Variants in GAS7 observed in about 807,000 individuals in gnomAD.
GAS7 encodes the protein growth arrest specific 7, also known as growth arrest-specific protein 7.
Under a neutral mutation model 71.1 loss-of-function variants are expected in GAS7, and 28 were observed. The observed-to-expected ratio is 0.39, with a 90% CI of 0.29 to 0.54. The LOEUF is 0.54. GAS7 is among the 20% of genes least tolerant of loss of function. GAS7 has a pLI of 0.62. For missense variants in GAS7, 436 were observed against 627.8 expected (o/e 0.69, Z 3.27); for synonymous variants, 258 against 245.8 (o/e 1.05, Z -0.46).
chr17:10,159,958 T>C (rs1246274206), intron 1 of GAS7, among the ~76,000 whole-genome samples: 1 of 151,142 alleles, frequency 6.6e-6, no homozygotes, highest in Non-Finnish European at 1.5e-5. Flanking sequence ...GCTAATTTTT[T>C]TGTAGAGACA....
rs572796636 is a variant in GAS7, at chr17:10,016,847, G to A, written c.304+2930C>T. On this transcript the variant is annotated intron_variant, in intron 2 of 13. Transcript: ENST00000432992. Reference sequence around the variant, plus strand: ...TGCCTGTAATCCCAGCTACTCAGGAGGCTGAGGTGGGAGGGTCACTTAAGC... The same window carrying A: ...TGCCTGTAATCCCAGCTACTCAGGAAGCTGAGGTGGGAGGGTCACTTAAGC... 9.7e-4 allele frequency among the ~76,000 whole-genome samples: 146 copies of A among 150,630 alleles called. 1 individual carries two copies. The highest frequency in any genetic ancestry group is 3.4e-3 in the African/African-American group (140 of 41,412).
chr17:10,036,552 C>G, intron 1 of GAS7: 1 of 1,575,434 alleles, frequency 6.3e-7, no homozygotes, highest in Non-Finnish European at 8.6e-7. Context: ...ATGGCAGCCT[C>G]TCCGGGAAAT....
intron 1 of GAS7, among the ~76,000 whole-genome samples, chr17:10,087,743 G>A (rs1038408029): frequency 6.6e-6 from 1 of 151,982 alleles, no homozygotes; most frequent in Non-Finnish European, 1.5e-5. Flanking sequence ...AGGAAGCAGT[G>A]CTGAATTCCA....
At chr17:9,990,881 A>T (rs1014518757) in intron 2 of GAS7, among the ~76,000 whole-genome samples, 1 of 152,196 alleles carries the variant, frequency 6.6e-6, no homozygotes, top group Non-Finnish European at 1.5e-5. Flanking sequence ...TCCGTTATTA[A>T]GAGCTCTGGC....
intron 1 of GAS7, among the ~76,000 whole-genome samples, chr17:10,089,935 AG>A (rs1400587614): frequency 2.0e-5 from 3 of 152,184 alleles, no homozygotes; most frequent in Admixed American, 2.0e-4. Context: ...TGGGAGGCCA[AG>A]GCAGGTAGGT....
chr17:9,969,831 T>C lies in GAS7; in HGVS notation c.386-69A>G, dbSNP rs2069885345. The stretch of plus-strand genomic sequence containing the variant: ...ATGGGCACCCCCGCCTTTCGTCCAC[T>C]GCAGCCCCTTTTCCCACCTCCTTCC... On this transcript the variant is annotated intron_variant, in intron 3 of 13. Transcript: ENST00000432992. The surrounding 1 kb of genome is among the most constrained non-coding windows in gnomAD (Gnocchi z 5.5). 2.0e-6 allele frequency: 2 copies of C among 992,698 alleles called. No homozygotes were observed. The highest frequency in any genetic ancestry group is 1.6e-6 in the Non-Finnish European group (1 of 617,724). The allele number at this position is 992,698 out of a possible 1,614,324, so 61.5% of individuals were successfully genotyped here. A position where few individuals can be genotyped will look rare whatever the true frequency, so the allele number is the denominator to read the frequency against.
rs1174121056 is a variant in GAS7 at position 9,911,972 on chromosome 17, G to A, written c.*5256C>T. On this transcript the variant is annotated 3_prime_UTR_variant, in exon 14 of 14. Coordinates refer to ENST00000432992, the MANE Select transcript of GAS7 (RefSeq NM_201433.2). This position sits in a 1 kb window ranked among gnomAD's most constrained non-coding sequence, Gnocchi z 4.0. Reference sequence around the variant, plus strand: ...ACCATGTACCACCATCCAGTGGGGTGCAGGTACAGGCCAGGCTGTGTGATC... The same window carrying A: ...ACCATGTACCACCATCCAGTGGGGTACAGGTACAGGCCAGGCTGTGTGATC... 6 of 232,040 alleles carry A rather than the reference G, an allele frequency of 2.6e-5. No individual in the cohort carries two copies. Among genetic ancestry groups the A allele is most frequent in the Non-Finnish European group, 4.3e-5 (5 of 117,394 alleles). 14.4% of individuals were successfully genotyped at this position (232,040 alleles called of 1,614,324 possible).
intron 1 of GAS7, among the ~76,000 whole-genome samples, chr17:10,117,952 CT>C (rs1460331455): frequency 4.6e-5 from 7 of 152,170 alleles, no homozygotes; most frequent in Non-Finnish European, 8.8e-5. Flanking sequence ...GAAGGACAAA[CT>C]AGCCATTTAC....
At chr17:10,017,183 G>A (rs2072067999) in intron 2 of GAS7, among the ~76,000 whole-genome samples, 1 of 144,320 alleles carries the variant, frequency 6.9e-6, no homozygotes, top group Non-Finnish European at 1.6e-5. Flanking sequence ...TAAATAAAGA[G>A]AGGAAGGGCA....
intron 1 of GAS7, among the ~76,000 whole-genome samples, chr17:10,090,182 A>G (rs78810864): frequency 6.6e-6 from 1 of 151,952 alleles, no homozygotes; most frequent in Non-Finnish European, 1.5e-5. Context: ...AAAAAAAAAA[A>G]GCAGCATGGC....
intron 1 of GAS7, among the ~76,000 whole-genome samples, chr17:10,195,177 A>G (rs1200704771): frequency 6.6e-6 from 1 of 152,110 alleles, no homozygotes; most frequent in Non-Finnish European, 1.5e-5. Context: ...ATTTCCTTGG[A>G]GTCTTGACCA....
chr17:10,075,142 G>A (rs767159645), intron 1 of GAS7, among the ~76,000 whole-genome samples: 4 of 152,010 alleles, frequency 2.6e-5, no homozygotes, highest in Non-Finnish European at 4.4e-5. Context: ...CAAATCACGA[G>A]GTCAGGAGTT....
intron 9 of GAS7, among the ~76,000 whole-genome samples, chr17:9,929,077 G>C (rs1051871522): frequency 4.2e-4 from 64 of 152,126 alleles, no homozygotes; most frequent in African/African-American, 1.5e-3. Flanking sequence ...CAAAAATCTT[G>C]AGAGCTTACG....
rs2058173 is a variant in GAS7, at chr17:9,974,110, C to T, written c.386-4348G>A. On this transcript the variant is annotated intron_variant, in intron 3 of 13. Coordinates refer to ENST00000432992, the MANE Select transcript of GAS7 (RefSeq NM_201433.2). The surrounding 1 kb of genome is among the most constrained non-coding windows in gnomAD (Gnocchi z 4.0). Reference sequence around the variant, plus strand: ...TTGCCCCTAATCCAATCCCTTGTTCCCACTTCAGTTCTGGTCTGTCAGCTG... The same window carrying T: ...TTGCCCCTAATCCAATCCCTTGTTCTCACTTCAGTTCTGGTCTGTCAGCTG... 0.7 allele frequency among the ~76,000 whole-genome samples: 107,170 copies of T among 152,066 alleles called. 38,514 individuals carry two copies. Among genetic ancestry groups the T allele is most frequent in the African/African-American group, 0.85 (35,369 of 41,518 alleles).
intron 4 of GAS7, among the ~76,000 whole-genome samples, chr17:9,962,211 A>G (rs922945683): frequency 2.0e-5 from 3 of 150,356 alleles, no homozygotes; most frequent in African/African-American, 7.4e-5. Context: ...TACTGCTCCA[A>G]CTTCATATAC....
rs1238331078 is a variant in GAS7 at position 9,975,637 on chromosome 17, T to G, written c.386-5875A>C. On this transcript the variant is annotated intron_variant, in intron 3 of 13. Transcript: ENST00000432992. ...CAGGTGTGTTAAACAGGATAGCAAT[T>G]CTGCCAGATGTGTATTGTAAGTGTT... Among the ~76,000 whole-genome samples, 6 of 152,002 alleles carry G rather than the reference T, an allele frequency of 3.9e-5. 1 individual carries two copies. The highest frequency in any genetic ancestry group is 2.6e-4 in the Admixed American group (4 of 15,268).
chr17:10,154,326 T>C (rs1207889784), intron 1 of GAS7, among the ~76,000 whole-genome samples: 1 of 151,416 alleles, frequency 6.6e-6, no homozygotes, highest in Non-Finnish European at 1.5e-5. Context: ...TAGAGAGACC[T>C]TGTCTCTACA....
chr17:9,971,064 A>G (rs2069940917), intron 3 of GAS7, among the ~76,000 whole-genome samples: 1 of 152,294 alleles, frequency 6.6e-6, no homozygotes, highest in African/African-American at 2.4e-5. Context: ...GATAATAGCA[A>G]AAGTTATAAG....
In GAS7 at chr17:9,911,271, A is replaced by T. The variant is rs1302824941; in HGVS notation, c.*5957T>A. 4.3e-6 allele frequency: 1 copy of T among 233,224 alleles called. No homozygotes were observed. The allele number at this position is 233,224 out of a possible 1,614,324, so 14.4% of individuals were successfully genotyped here. A position where few individuals can be genotyped will look rare whatever the true frequency, so the allele number is the denominator to read the frequency against. ...CCGACAGGGGATGTGACTTAACTTC[A>T]GGTTATGGGACAAAGGAGGCCGCAG... On this transcript the variant is annotated 3_prime_UTR_variant, in exon 14 of 14. Coordinates refer to ENST00000432992, the MANE Select transcript of GAS7 (RefSeq NM_201433.2). This position sits in a 1 kb window ranked among gnomAD's most constrained non-coding sequence, Gnocchi z 4.0.
Sources: gnomAD v4.1 joint callset for allele counts (sites outside exome capture counted in the v4.1 genomes callset) on GRCh38, gnomAD v4.1.1 for gene constraint, Gnocchi (gnomAD v3.1) non-coding constraint, MANE v1.5 for transcripts, NCBI Gene and HGNC (gene_info 2026-07-23, HGNC 2026-07-21) for gene names.